Variants in DAD1 observed in about 807,000 individuals in gnomAD.
The protein encoded by DAD1 is dolichyl-diphosphooligosaccharide--protein glycosyltransferase subunit DAD1.
DAD1 carries 4 observed loss-of-function variants against 9.0 expected under a neutral mutation model. The ratio of observed to expected loss-of-function variants is 0.44; its 90% CI spans 0.22 to 1.01. The LOEUF is 1.01. Among genes scored for constraint, DAD1 ranks in the 50% least tolerant of loss-of-function variants. The probability of loss-of-function intolerance (pLI) is 0.24; values close to 1 mark genes in which losing one functional copy is unlikely to be tolerated. For synonymous variants in DAD1, 60 were observed against 62.5 expected, an observed-to-expected ratio of 0.96 and a Z score of 0.19; for missense variants, 119 against 137.3, an observed-to-expected ratio of 0.87 and a Z score of 0.67.
chr14:22,578,293 G>A (rs1028270622), intron 1 of DAD1, among the ~76,000 whole-genome samples: 19 of 151,746 alleles, frequency 1.3e-4, no homozygotes, highest in African/African-American at 4.1e-4. Flanking sequence ...GGCCAGGCAC[G>A]GTGGCTCACT....
intron 2 of DAD1, among the ~76,000 whole-genome samples, chr14:22,573,599 A>G (rs1198571381): frequency 6.6e-6 from 1 of 150,852 alleles, no homozygotes; most frequent in Non-Finnish European, 1.5e-5. Context: ...AGTCCCAGCT[A>G]CTCGGGAGGC....
intron 2 of DAD1, among the ~76,000 whole-genome samples, chr14:22,571,912 C>T (rs1219032916): frequency 6.6e-6 from 1 of 152,148 alleles, no homozygotes; most frequent in Non-Finnish European, 1.5e-5. Flanking sequence ...TTACAGGCAT[C>T]AGCCACCGTG....
chr14:22,575,017 T>C, intron 2 of DAD1, 42 bp downstream of exon 2: 1 of 1,522,816 alleles, frequency 6.6e-7, no homozygotes, highest in Non-Finnish European at 8.9e-7. Flanking sequence ...TTTCTCTTCC[T>C]AAAATCAACA....
intron 2 of DAD1, among the ~76,000 whole-genome samples, chr14:22,570,289 G>A (rs1327051901): frequency 2.0e-5 from 3 of 152,100 alleles, no homozygotes; most frequent in South Asian, 2.1e-4. Context: ...GGAAACCTGC[G>A]GGTCTATGTG....
intron 1 of DAD1, among the ~76,000 whole-genome samples, chr14:22,585,038 A>G (rs1441875369): frequency 2.0e-5 from 3 of 152,264 alleles, no homozygotes; most frequent in Admixed American, 6.5e-5. Context: ...AATCTCTCGG[A>G]TAACAGTTAT....
chr14:22,576,486 C>T (rs930597107), intron 1 of DAD1, among the ~76,000 whole-genome samples: 1 of 151,864 alleles, frequency 6.6e-6, no homozygotes, highest in African/African-American at 2.4e-5. Context: ...GACCTAAATC[C>T]GAAATGGATA....
chr14:22,585,949 G>A (rs948042712), intron 1 of DAD1, among the ~76,000 whole-genome samples: 1 of 152,228 alleles, frequency 6.6e-6, no homozygotes, highest in Non-Finnish European at 1.5e-5. Flanking sequence ...GCTCACGCCT[G>A]TAATCCCAAC....
At chr14:22,586,321 G>A (rs1006951597) in intron 1 of DAD1, among the ~76,000 whole-genome samples, 45 of 152,054 alleles carry the variant, frequency 3.0e-4, no homozygotes, top group African/African-American at 1.1e-3. Flanking sequence ...AGAGGCAGGC[G>A]GATCACCTGA....
At chr14:22,572,750 T>C (rs1370846492) in intron 2 of DAD1, among the ~76,000 whole-genome samples, 1 of 152,114 alleles carries the variant, frequency 6.6e-6, no homozygotes, top group African/African-American at 2.4e-5. Context: ...CTAGAAAACA[T>C]CCTTGAAATG....
chr14:22,571,198 C>T (rs1475334898), intron 2 of DAD1, among the ~76,000 whole-genome samples: 1 of 149,496 alleles, frequency 6.7e-6, no homozygotes, highest in Non-Finnish European at 1.5e-5. Flanking sequence ...CCTGTAGTCC[C>T]AGCTACTCGG....
chr14:22,577,552 G>GAACGGATAAGCA (rs1243176465), intron 1 of DAD1, among the ~76,000 whole-genome samples: 3 of 152,196 alleles, frequency 2.0e-5, no homozygotes, highest in Non-Finnish European at 2.9e-5. Flanking sequence ...GTCAGCAGAA[G>GAACGGATAAGCA]AACGGATAAG....
chr14:22,588,265 T>G (rs1400815079), intron 1 of DAD1, among the ~76,000 whole-genome samples: 1 of 152,220 alleles, frequency 6.6e-6, no homozygotes, highest in East Asian at 1.9e-4. Flanking sequence ...GTTTTCAGTA[T>G]TCACTGAATC....
chr14:22,572,186 C>T (rs1465451229), intron 2 of DAD1, among the ~76,000 whole-genome samples: 1 of 150,448 alleles, frequency 6.6e-6, no homozygotes, highest in Admixed American at 6.6e-5. Flanking sequence ...CATGTAAGAT[C>T]AGCTATATTA....
intron 1 of DAD1, among the ~76,000 whole-genome samples, chr14:22,582,241 G>C (rs959129316): frequency 6.6e-6 from 1 of 150,526 alleles, no homozygotes; most frequent in East Asian, 2.0e-4. Context: ...TAGGCCAGGC[G>C]CAGTGGCTCA....
At chr14:22,577,209 G>A (rs1212944060) in intron 1 of DAD1, among the ~76,000 whole-genome samples, 4 of 152,144 alleles carry the variant, frequency 2.6e-5, no homozygotes, top group Non-Finnish European at 4.4e-5. Context: ...TGAACCAGGC[G>A]GATCACCCGA....
At chr14:22,565,420 A>G (rs532156027) in intron 2 of DAD1, among the ~76,000 whole-genome samples, 19 of 151,966 alleles carry the variant, frequency 1.3e-4, no homozygotes, top group Admixed American at 8.5e-4. Flanking sequence ...TCTACCATTA[A>G]TTAGCCGCAA....
At chr14:22,565,245 T>C (rs993249930) in intron 2 of DAD1, 108 bp from the exon 3 acceptor site, 1 of 624,876 alleles carries the variant, frequency 1.6e-6, no homozygotes, top group African/African-American at 1.9e-5. Flanking sequence ...GTTCCCACAC[T>C]CAGGACAATA....
intron 2 of DAD1, among the ~76,000 whole-genome samples, chr14:22,569,179 A>G (rs1035754099): frequency 2.6e-5 from 4 of 152,236 alleles, no homozygotes; most frequent in African/African-American, 9.6e-5. Flanking sequence ...TCATGCCTGT[A>G]ATTCCAGCAC....
At chr14:22,582,633 G>A (rs891309966) in intron 1 of DAD1, among the ~76,000 whole-genome samples, 1 of 152,224 alleles carries the variant, frequency 6.6e-6, no homozygotes, top group African/African-American at 2.4e-5. Flanking sequence ...ATATTTTGGA[G>A]AAGACAGAGC....
Sources: allele counts gnomAD v4.1 joint callset (sites outside exome capture counted in the v4.1 genomes callset), GRCh38; gene constraint gnomAD v4.1.1; transcripts MANE v1.5; gene names NCBI Gene and HGNC (gene_info 2026-07-23, HGNC 2026-07-21).